B4GALT6: variants seen among roughly 807,000 people sequenced by gnomAD.
The protein encoded by B4GALT6 is UDP-Gal:beta-GlcNAc beta-1,4-galactosyltransferase 6.
In B4GALT6, 14 loss-of-function variants were observed where a neutral mutation model predicts 46.3. That is an observed-to-expected ratio of 0.30 (90% confidence interval 0.20 to 0.47). The LOEUF (loss-of-function observed/expected upper bound fraction) is 0.47. B4GALT6 is among the 20% of genes least tolerant of loss of function. The pLI, the probability that B4GALT6 is intolerant of heterozygous loss-of-function variation, is 0.99. For missense variants in B4GALT6, 386 were observed against 480.1 expected (o/e 0.80, Z 1.83); for synonymous variants, 168 against 162.0 (o/e 1.04, Z -0.28).
chr18:31,690,424 C>T (rs766382986), upstream of B4GALT6, among the ~76,000 whole-genome samples: 1 of 152,036 alleles, frequency 6.6e-6, no homozygotes, highest in Non-Finnish European at 1.5e-5. Context: ...AGCCACCATG[C>T]CCAACCCCTG....
In B4GALT6 at chr18:31,625,301, A is replaced by G. The variant is rs1054187717; in HGVS notation, c.*313T>C. The G allele has an allele frequency of 5.3e-5, 14 of 263,850 alleles. No individual in the cohort carries two copies. Among genetic ancestry groups the G allele is most frequent in the Non-Finnish European group, 9.8e-5 (14 of 142,384 alleles). 16.3% of individuals were successfully genotyped at this position (263,850 alleles called of 1,614,324 possible). A position where few individuals can be genotyped will look rare whatever the true frequency, so the allele number is the denominator to read the frequency against. ...TACAAAATATGTTTAAACGGAAATA[A>G]AAGCATTCTCTTGAATTAAATTATA... On this transcript the variant is annotated 3_prime_UTR_variant, in exon 9 of 9. Coordinates refer to ENST00000306851, the MANE Select transcript of B4GALT6 (RefSeq NM_004775.5).
chr18:31,641,712 A>G (rs1167020159), intron 4 of B4GALT6, among the ~76,000 whole-genome samples: 3 of 152,152 alleles, frequency 2.0e-5, no homozygotes, highest in African/African-American at 7.2e-5. Flanking sequence ...CATCCTCCTG[A>G]ATCTCTCCTC....
At chr18:31,648,092 C>G in intron 3 of B4GALT6, among the ~76,000 whole-genome samples, 1 of 152,170 alleles carries the variant, frequency 6.6e-6, no homozygotes, top group East Asian at 1.9e-4. Flanking sequence ...CCCTTTATTT[C>G]ACTCGCTGAG....
the B4GALT6 span, among the ~76,000 whole-genome samples, chr18:31,697,285 G>T: frequency 6.6e-6 from 1 of 152,002 alleles, no homozygotes; most frequent in Non-Finnish European, 1.5e-5. Flanking sequence ...GAAAAAAAGA[G>T]AGAGAGAGAG....
chr18:31,653,438 T>C (rs1484783748), intron 3 of B4GALT6, among the ~76,000 whole-genome samples: 1 of 131,826 alleles, frequency 7.6e-6, no homozygotes, highest in African/African-American at 2.8e-5. Context: ...CTTTTTTCTT[T>C]TTTTTTTTTT....
chr18:31,679,616 G>T (rs1011543849), intron 1 of B4GALT6, among the ~76,000 whole-genome samples: 1 of 152,178 alleles, frequency 6.6e-6, no homozygotes, highest in Non-Finnish European at 1.5e-5. Flanking sequence ...TTATTACTCA[G>T]ATGTGTTGGA....
At chr18:31,663,378 A>T (rs2074242934) in intron 2 of B4GALT6, among the ~76,000 whole-genome samples, 1 of 152,132 alleles carries the variant, frequency 6.6e-6, no homozygotes, top group Non-Finnish European at 1.5e-5. Flanking sequence ...CCACTCTAAC[A>T]TTGCATGGCC....
intron 6 of B4GALT6, 95 bp downstream of exon 6, chr18:31,630,864 T>C: frequency 7.5e-7 from 1 of 1,339,334 alleles, no homozygotes. Context: ...GGTTCTTGAG[T>C]TCTCTCAGAT....
upstream of B4GALT6, chr18:31,684,696 C>T (rs1347373473): frequency 9.9e-7 from 1 of 1,015,218 alleles, no homozygotes; most frequent in Non-Finnish European, 1.2e-6. Context: ...GCTAGGGGCC[C>T]GGGGACGGCA....
chr18:31,695,489 G>A, the B4GALT6 span, among the ~76,000 whole-genome samples: 1 of 151,980 alleles, frequency 6.6e-6, no homozygotes, highest in Admixed American at 6.6e-5. Flanking sequence ...CCTCCTGTAG[G>A]AGAGGCCATA....
chr18:31,667,892 C>T (rs2074300366), intron 1 of B4GALT6, among the ~76,000 whole-genome samples: 1 of 152,002 alleles, frequency 6.6e-6, no homozygotes, highest in Non-Finnish European at 1.5e-5. Flanking sequence ...GTCAACAGAT[C>T]GAGACCATCC....
chr18:31,675,815 G>A (rs1433513300), intron 1 of B4GALT6, among the ~76,000 whole-genome samples: 3 of 152,160 alleles, frequency 2.0e-5, no homozygotes, highest in Non-Finnish European at 2.9e-5. Context: ...AATTAGTGAT[G>A]TCAGAGTATA....
At chr18:31,708,033 A>G in the B4GALT6 span, among the ~76,000 whole-genome samples, 1 of 152,184 alleles carries the variant, frequency 6.6e-6, no homozygotes, top group African/African-American at 2.4e-5. Context: ...ATTCCTTTGC[A>G]TGAATCTATC....
chr18:31,687,110 A>G (rs966516110), upstream of B4GALT6, among the ~76,000 whole-genome samples: 1 of 152,170 alleles, frequency 6.6e-6, no homozygotes, highest in African/African-American at 2.4e-5. Flanking sequence ...TTGTTCGGCA[A>G]GTGTCCCCCA....
chr18:31,694,785 T>C, the B4GALT6 span, among the ~76,000 whole-genome samples: 3 of 151,950 alleles, frequency 2.0e-5, no homozygotes, highest in Non-Finnish European at 4.4e-5. Context: ...CAACATGAAA[T>C]TTCAAAAAAA....
Position 31,658,094 on chromosome 18 carries a change from GAAAGAGAGA to G in B4GALT6, c.233-14_233-6del. On this transcript the variant is annotated splice_polypyrimidine_tract_variant and splice_region_variant and intron_variant, in intron 2 of 8. Transcript: ENST00000306851. ...AATTATTGCCTTCGGGATAATCTTG[GAAAGAGAGA>G]AAAGAGTTACAAAAAAAAAAAAAAG... 1 of 1,537,238 alleles carries G rather than the reference GAAAGAGAGA, an allele frequency of 6.5e-7. No homozygotes were observed. The highest frequency in any genetic ancestry group is 8.8e-7 in the Non-Finnish European group (1 of 1,139,116).
chr18:31,711,280 T>C, the B4GALT6 span, among the ~76,000 whole-genome samples: 1 of 152,166 alleles, frequency 6.6e-6, no homozygotes, highest in Non-Finnish European at 1.5e-5. Flanking sequence ...TATTTTAGGT[T>C]CAGGGTACAT....
intron 4 of B4GALT6, among the ~76,000 whole-genome samples, chr18:31,640,461 G>A (rs1567963558): frequency 6.6e-6 from 1 of 152,152 alleles, no homozygotes; most frequent in Non-Finnish European, 1.5e-5. Flanking sequence ...TAAAATTGAA[G>A]ATGTCTAAAC....
rs970948553 is a variant in B4GALT6, at chr18:31,623,318, A to T, written c.*2296T>A. On this transcript the variant is annotated 3_prime_UTR_variant, in exon 9 of 9. Coordinates refer to ENST00000306851, the MANE Select transcript of B4GALT6 (RefSeq NM_004775.5). The stretch of plus-strand genomic sequence containing the variant: ...TTTAGGTCTACACTAAAAAAGCAAA[A>T]CAAACAAACAAAAAGCAAACGAGGT... 1 of 152,058 alleles carries T rather than the reference A, an allele frequency of 6.6e-6. No individual in the cohort carries two copies. Among genetic ancestry groups the T allele is most frequent in the Non-Finnish European group, 1.5e-5 (1 of 67,746 alleles). The allele number at this position is 152,058 out of a possible 1,614,324, so 9.4% of individuals were successfully genotyped here. A position where few individuals can be genotyped will look rare whatever the true frequency, so the allele number is the denominator to read the frequency against.
Sources: gnomAD v4.1 joint callset for allele counts (sites outside exome capture counted in the v4.1 genomes callset) on GRCh38, gnomAD v4.1.1 for gene constraint, MANE v1.5 for transcripts, NCBI Gene and HGNC (gene_info 2026-07-23, HGNC 2026-07-21) for gene names.